Variants in RBM46 observed in about 807,000 individuals in gnomAD.
RBM46 encodes probable RNA-binding protein 46.
In RBM46, 12 loss-of-function variants were observed where a neutral mutation model predicts 43.3. That is an observed-to-expected ratio of 0.28 (90% CI 0.18 to 0.45). The LOEUF (loss-of-function observed/expected upper bound fraction) is 0.45, where lower values mean the gene tolerates loss of function less well. Among genes scored for constraint, RBM46 ranks in the 20% least tolerant of loss-of-function variants. The pLI is 1.00. For synonymous variants in RBM46, 205 were observed against 207.6 expected, an observed-to-expected ratio of 0.99 and a Z score of 0.11; for missense variants, 412 against 639.1, an observed-to-expected ratio of 0.64 and a Z score of 3.83.
At chr4:154,821,572 T>C (rs559123987) in intron 4 of RBM46, among the ~76,000 whole-genome samples, 1 of 151,928 alleles carries the variant, frequency 6.6e-6, no homozygotes, top group South Asian at 2.1e-4. Flanking sequence ...GATCTAGATG[T>C]ATTTCTTTTT....
At chr4:154,796,640 C>A in intron 1 of RBM46, 102 bp from the exon 2 acceptor site, 1 of 755,052 alleles carries the variant, frequency 1.3e-6, no homozygotes. Context: ...ATCAAACATG[C>A]CAGCCACAAC....
chr4:154,798,681 G>A, intron 3 of RBM46, 101 bp from the exon 4 acceptor site: 1 of 898,524 alleles, frequency 1.1e-6, no homozygotes, highest in Non-Finnish European at 1.6e-6. Flanking sequence ...TTATTGATGT[G>A]TAGTTGAGTT....
Position 154,815,375 on chromosome 4 carries a change from G to A in RBM46, c.1403-12493G>A, listed in dbSNP as rs114203702. 5.8e-3 allele frequency among the ~76,000 whole-genome samples: 889 copies of A among 152,078 alleles called. 11 individuals are homozygous for A. Among genetic ancestry groups the A allele is most frequent in the African/African-American group, 0.021 (867 of 41,530 alleles). On this transcript the variant is annotated intron_variant, in intron 4 of 4. Coordinates refer to ENST00000281722, the MANE Select transcript of RBM46 (RefSeq NM_144979.5). Reference sequence around the variant, plus strand: ...GGTGGGTCATGTTTTTTAAACTGTAGTAAATAGGGCCAAATAATTTTCCAA... The same window carrying A: ...GGTGGGTCATGTTTTTTAAACTGTAATAAATAGGGCCAAATAATTTTCCAA...
At chr4:154,827,594 C>A in intron 4 of RBM46, 1 of 1,165,534 alleles carries the variant, frequency 8.6e-7, no homozygotes, top group South Asian at 3.3e-5. Context: ...TTTCTATAAT[C>A]AAAACTCCAA....
chr4:154,794,464 G>A (rs879577391), intron 1 of RBM46, among the ~76,000 whole-genome samples: 1 of 152,130 alleles, frequency 6.6e-6, no homozygotes, highest in Non-Finnish European at 1.5e-5. Flanking sequence ...ACAGGCATAA[G>A]TGGTCTCACT....
At chr4:154,797,716 C>T in intron 2 of RBM46, 95 bp from the exon 3 acceptor site, 1 of 809,998 alleles carries the variant, frequency 1.2e-6, no homozygotes, top group Admixed American at 3.0e-5. Flanking sequence ...GTGAGTGGCA[C>T]ATAGCACAGC....
chr4:154,817,463 G>C (rs1261292444), intron 4 of RBM46, among the ~76,000 whole-genome samples: 1 of 151,396 alleles, frequency 6.6e-6, no homozygotes, highest in African/African-American at 2.4e-5. Context: ...CTCCCGAGTA[G>C]CTGGGATTAC....
chr4:154,811,828 G>T (rs1042187121), intron 4 of RBM46, among the ~76,000 whole-genome samples: 1 of 151,840 alleles, frequency 6.6e-6, no homozygotes. Flanking sequence ...TTACAGGCAT[G>T]TACTACAATG....
At chr4:154,816,841 ACT>A (rs1335955819) in intron 4 of RBM46, among the ~76,000 whole-genome samples, 20 of 151,914 alleles carry the variant, frequency 1.3e-4, no homozygotes, top group Admixed American at 5.2e-4. Context: ...CACTTAAGAT[ACT>A]CTCTTTTATT....
At chr4:154,786,719 G>A (rs558233040) in intron 1 of RBM46, among the ~76,000 whole-genome samples, 1 of 151,986 alleles carries the variant, frequency 6.6e-6, no homozygotes, top group Non-Finnish European at 1.5e-5. Flanking sequence ...ACGAGGTCAG[G>A]AGTTCAAGAC....
intron 1 of RBM46, among the ~76,000 whole-genome samples, chr4:154,788,758 T>A (rs1186421117): frequency 1.3e-5 from 2 of 152,208 alleles, no homozygotes; most frequent in Non-Finnish European, 2.9e-5. Context: ...GCATTGAATG[T>A]CTAAATTACC....
chr4:154,785,579 A>C (rs1237297102), intron 1 of RBM46, among the ~76,000 whole-genome samples: 1 of 152,174 alleles, frequency 6.6e-6, no homozygotes, highest in East Asian at 1.9e-4. Flanking sequence ...AAACTTTTGC[A>C]ACAGTCTTAA....
chr4:154,792,454 G>T (rs1006771034), intron 1 of RBM46, among the ~76,000 whole-genome samples: 6 of 152,160 alleles, frequency 3.9e-5, no homozygotes, highest in African/African-American at 1.4e-4. Flanking sequence ...GTTAAATCAT[G>T]ATGTCTCTCC....
chr4:154,794,120 C>G (rs557766667), intron 1 of RBM46, among the ~76,000 whole-genome samples: 1 of 152,028 alleles, frequency 6.6e-6, no homozygotes, highest in South Asian at 2.1e-4. Context: ...TCCCTTCCAC[C>G]TCAACCTCTC....
At chr4:154,827,145 G>A (rs1736006231) in intron 4 of RBM46, 1 of 948,266 alleles carries the variant, frequency 1.1e-6, no homozygotes, top group Non-Finnish European at 1.3e-6. Context: ...TAAGATGAAT[G>A]TTTATTGTGA....
chr4:154,783,354 C>T (rs1022118606), intron 1 of RBM46, among the ~76,000 whole-genome samples: 2 of 152,068 alleles, frequency 1.3e-5, no homozygotes, highest in Non-Finnish European at 2.9e-5. Context: ...AGTTTATGGA[C>T]TGAAATTAAG....
chr4:154,788,791 T>C (rs1176687267), intron 1 of RBM46, among the ~76,000 whole-genome samples: 1 of 152,164 alleles, frequency 6.6e-6, no homozygotes, highest in African/African-American at 2.4e-5. Flanking sequence ...GTCATTTTCA[T>C]GTATTGATTC....
intron 4 of RBM46, among the ~76,000 whole-genome samples, chr4:154,814,836 T>TC (rs869131621): frequency 3.3e-5 from 5 of 149,962 alleles, no homozygotes; most frequent in Non-Finnish European, 4.4e-5. Flanking sequence ...TTTTATCCCC[T>TC]CCCCCCCTTT....
At position 154,802,582 on chromosome 4, in the gene RBM46, A is replaced by G. The variant is rs145979627; in HGVS notation, c.1402+3018A>G. Reference sequence around the variant, plus strand: ...AATTGGTGGTAGTGGTGTGTTCTTGACATCCTAGTAAATACTTACGTAGTC... The same window carrying G: ...AATTGGTGGTAGTGGTGTGTTCTTGGCATCCTAGTAAATACTTACGTAGTC... On this transcript the variant is annotated intron_variant, in intron 4 of 4. Coordinates refer to ENST00000281722, the MANE Select transcript of RBM46 (RefSeq NM_144979.5). Among the ~76,000 whole-genome samples the G allele has an allele frequency of 4.2e-3, 638 of 152,294 alleles. 5 individuals carry two copies. The highest frequency in any genetic ancestry group is 0.015 in the African/African-American group (608 of 41,548).
Sources: allele counts gnomAD v4.1 joint callset (sites outside exome capture counted in the v4.1 genomes callset), GRCh38; gene constraint gnomAD v4.1.1; transcripts MANE v1.5; gene names NCBI Gene and HGNC (gene_info 2026-07-23, HGNC 2026-07-21).